Variants in TTC3 observed in about 807,000 individuals in gnomAD.
The protein encoded by TTC3 is tetratricopeptide repeat domain 3.
A neutral mutation model predicts 249.6 loss-of-function variants in TTC3; 180 were observed. The observed-to-expected ratio is 0.72, with a 90% CI of 0.64 to 0.82. TTC3 has a LOEUF of 0.82. TTC3 is among the 40% of genes least tolerant of loss of function. TTC3 has a pLI of 0.00. For synonymous variants in TTC3, 717 were observed against 805.0 expected (o/e 0.89, Z 1.85); for missense variants, 2,061 against 2,398.4 (o/e 0.86, Z 2.94).
At position 37,087,407 on chromosome 21, in the gene TTC3, T is replaced by C. The variant is rs756896636; in HGVS notation, c.144+6T>C. 5.6e-6 allele frequency: 9 copies of C among 1,613,120 alleles called. No individual in the cohort carries two copies. The highest frequency in any genetic ancestry group is 7.6e-6 in the Non-Finnish European group (9 of 1,179,524). On this transcript the variant is annotated splice_donor_region_variant and intron_variant, in intron 2 of 45. Transcript: ENST00000355666. ...AGCTTTACTGTGATGGGGTGGTAAG[T>C]AGGTTTGCTAATTTTTCATTTTTGA...
At chr21:37,168,560 C>A (rs1306826609) in intron 34 of TTC3, among the ~76,000 whole-genome samples, 1 of 152,050 alleles carries the variant, frequency 6.6e-6, no homozygotes, top group Non-Finnish European at 1.5e-5. Flanking sequence ...TGGAGAGACA[C>A]ATAGAAGCCT....
At chr21:37,088,661 T>G (rs956496446) in intron 4 of TTC3, 138 bp from the exon 5 acceptor site, 1 of 774,568 alleles carries the variant, frequency 1.3e-6, no homozygotes, top group African/African-American at 1.7e-5. Flanking sequence ...ATTTAATAAA[T>G]AGCTTAGTTA....
intron 21 of TTC3, 32 bp downstream of exon 21, chr21:37,144,677 C>T (rs1336632634): frequency 6.3e-6 from 10 of 1,594,854 alleles, no homozygotes; most frequent in South Asian, 1.1e-5. Context: ...GTGTTTCTTA[C>T]TGTGAATGCT....
At chr21:37,082,607 C>G in intron 1 of TTC3, 1 of 985,416 alleles carries the variant, frequency 1.0e-6, no homozygotes, top group Non-Finnish European at 1.2e-6. Context: ...TAGCACTAAA[C>G]TGTAGCCAGG....
At chr21:37,183,044 T>C (rs1396417624) in intron 36 of TTC3, 131 bp downstream of exon 36, 2 of 856,000 alleles carry the variant, frequency 2.3e-6, no homozygotes, top group East Asian at 6.7e-5. Context: ...TTTTCATTGT[T>C]TTGTCTCATT....
chr21:37,082,391 G>T, intron 1 of TTC3: 1 of 669,020 alleles, frequency 1.5e-6, no homozygotes, highest in Non-Finnish European at 1.8e-6. Context: ...TCATGTGTTT[G>T]GTGATCATTG....
exon 13 of TTC3, chr21:37,123,004 C>G (rs761860632): frequency 9.3e-6 from 15 of 1,613,922 alleles, no homozygotes; most frequent in Non-Finnish European, 1.3e-5. Flanking sequence ...AATAAGGATC[C>G]AATTAAAGCC....
intron 13 of TTC3, among the ~76,000 whole-genome samples, chr21:37,124,109 G>GTTTTTTTTT (rs1167142816): frequency 1.1e-4 from 3 of 26,156 alleles, no homozygotes; most frequent in African/African-American, 3.0e-4. Context: ...TTTTTGAACT[G>GTTTTTTTTT]TTCTTTTTTT....
chr21:37,111,187 C>T (rs1351916918), intron 11 of TTC3, among the ~76,000 whole-genome samples: 2 of 152,136 alleles, frequency 1.3e-5, no homozygotes, highest in African/African-American at 2.4e-5. Flanking sequence ...ATGACAGGAT[C>T]AAATTCATGC....
chr21:37,079,528 T>G (rs28430709), intron 1 of TTC3, among the ~76,000 whole-genome samples: 72 of 49,162 alleles, frequency 1.5e-3, no homozygotes, highest in Middle Eastern at 0.011. Flanking sequence ...TTTTTTTTTT[T>G]TTTTTTTTTT....
At chr21:37,087,833 G>A in exon 3 of TTC3, 1 of 1,589,506 alleles carries the variant, frequency 6.3e-7, no homozygotes, top group Non-Finnish European at 8.6e-7. Context: ...TTCTTTTTAG[G>A]GTGTGCAATA....
chr21:37,171,500 G>C (rs887649274), intron 34 of TTC3, among the ~76,000 whole-genome samples: 3 of 152,188 alleles, frequency 2.0e-5, no homozygotes, highest in Non-Finnish European at 4.4e-5. Flanking sequence ...GTGGCATTTA[G>C]CTTCCTGCCT....
rs1438941646 is a variant in TTC3 at position 37,148,530 on chromosome 21, T to G, written c.2017-16T>G. 6.6e-7 allele frequency: 1 copy of G among 1,513,250 alleles called. No homozygotes were observed. The highest frequency in any genetic ancestry group is 1.3e-5 in the South Asian group (1 of 77,252). 93.7% of individuals were successfully genotyped at this position (1,513,250 alleles called of 1,614,324 possible). ...CATCTTTAAAACGTTAATTAAAAAA[T>G]TTTTTGTAACCCTAGGGTTTTATAC... On this transcript the variant is annotated splice_polypyrimidine_tract_variant and intron_variant, in intron 22 of 45. Transcript: ENST00000355666.
rs183901822 is a variant in TTC3, at chr21:37,118,663, G to A, written c.901-3154G>A. Among the ~76,000 whole-genome samples the A allele has an allele frequency of 6.3e-4, 96 of 152,240 alleles. 1 individual carries two copies. The East Asian group carries it at 0.017, about 27-fold the overall frequency. ...AAGTCTAGGGGTTAGCTTCAGGAATGGTTGGATCCAGATTTGTACACATCT... is the reference window on the plus strand; with the variant it reads ...AAGTCTAGGGGTTAGCTTCAGGAATAGTTGGATCCAGATTTGTACACATCT... On this transcript the variant is annotated intron_variant, in intron 11 of 45. Transcript: ENST00000355666.
Position 37,169,913 on chromosome 21 carries a change from T to G in TTC3, c.4467+2293T>G, listed in dbSNP as rs548299331. Among the ~76,000 whole-genome samples the G allele has an allele frequency of 1.1e-4, 16 of 151,810 alleles. No homozygotes were observed. In the East Asian group the frequency reaches 2.7e-3, roughly 26 times the overall value. On this transcript the variant is annotated intron_variant, in intron 34 of 45. Coordinates refer to ENST00000355666, the Ensembl canonical transcript of TTC3. ...TATCAGTGAGCAAAAACTGGATTATTAAATACATAGGAGAAATGGATTGCC... is the reference window on the plus strand; with the variant it reads ...TATCAGTGAGCAAAAACTGGATTATGAAATACATAGGAGAAATGGATTGCC...
At chr21:37,091,083 A>C (rs1273132335) in intron 6 of TTC3, among the ~76,000 whole-genome samples, 1 of 152,216 alleles carries the variant, frequency 6.6e-6, no homozygotes, top group Non-Finnish European at 1.5e-5. Flanking sequence ...AGTCACCTGA[A>C]GAGGTAACAT....
Position 37,075,889 on chromosome 21 carries a change from T to C in TTC3, c.-12+2525T>C, listed in dbSNP as rs2070777012. Among the ~76,000 whole-genome samples the C allele has an allele frequency of 2.6e-5, 4 of 152,234 alleles. No homozygotes were observed. In the South Asian group the frequency reaches 8.3e-4, roughly 31 times the overall value. ...TTAATTAAAAGTATTTTTTTTCTTA[T>C]GATGAATGTTTAAAAAATTTTTCTT... On this transcript the variant is annotated intron_variant, in intron 1 of 45. Transcript: ENST00000355666.
chr21:37,103,101 A>G (rs370748959), intron 10 of TTC3, among the ~76,000 whole-genome samples: 26 of 152,312 alleles, frequency 1.7e-4, no homozygotes, highest in African/African-American at 5.3e-4. Context: ...TCATCTGGGG[A>G]TGTTAGCCAA....
intron 25 of TTC3, 119 bp from the exon 26 acceptor site, chr21:37,151,774 T>C: frequency 8.7e-7 from 1 of 1,152,268 alleles, no homozygotes; most frequent in African/African-American, 1.6e-5. Context: ...GAATGGAAGA[T>C]GTAGGCCGGG....
Sources: gnomAD v4.1 joint callset for allele counts (sites outside exome capture counted in the v4.1 genomes callset) on GRCh38, gnomAD v4.1.1 for gene constraint, MANE v1.5 for transcripts, NCBI Gene and HGNC (gene_info 2026-07-23, HGNC 2026-07-21) for gene names.